Variants in GREB1L observed in about 807,000 individuals in gnomAD.
The protein encoded by GREB1L is GREB1-like protein.
GREB1L carries 17 observed loss-of-function variants against 200.8 expected under a neutral mutation model. That is an observed-to-expected ratio of 0.08 (90% CI 0.06 to 0.13). GREB1L has a LOEUF of 0.13. Among genes scored for constraint, GREB1L ranks in the 10% least tolerant of loss-of-function variants. GREB1L has a pLI of 1.00. For synonymous variants in GREB1L, 789 were observed against 893.0 expected, an observed-to-expected ratio of 0.88 and a Z score of 2.08; for missense variants, 1,657 against 2,367.7, an observed-to-expected ratio of 0.70 and a Z score of 6.23.
intron 31 of GREB1L, 54 bp downstream of exon 31, chr18:21,518,288 C>G: frequency 6.7e-7 from 1 of 1,490,714 alleles, no homozygotes; most frequent in South Asian, 1.3e-5. Flanking sequence ...ATTTCTTTCT[C>G]ATTTTAGCTG....
intron 7 of GREB1L, among the ~76,000 whole-genome samples, chr18:21,411,918 G>A (rs1326775682): frequency 4.0e-5 from 6 of 151,884 alleles, no homozygotes; most frequent in South Asian, 2.1e-4. Flanking sequence ...AGTGGTGGGC[G>A]CCTATAGTCC....
chr18:21,411,872 C>T (rs896246960), intron 7 of GREB1L, among the ~76,000 whole-genome samples: 4 of 150,750 alleles, frequency 2.7e-5, no homozygotes, highest in Non-Finnish European at 4.4e-5. Context: ...GGTGAAACCC[C>T]GTCTCTACTA....
intron 15 of GREB1L, among the ~76,000 whole-genome samples, chr18:21,469,100 T>A (rs571238714): frequency 5.3e-5 from 8 of 152,212 alleles, no homozygotes; most frequent in Non-Finnish European, 1.2e-4. Context: ...AATGGTAATA[T>A]CCTGTTTTCA....
At chr18:21,305,196 G>T (rs886976836) in intron 1 of GREB1L, among the ~76,000 whole-genome samples, 10 of 151,980 alleles carry the variant, frequency 6.6e-5, no homozygotes, top group African/African-American at 1.9e-4. Context: ...GGATGGTCTC[G>T]ATCTCTTGAC....
intron 7 of GREB1L, among the ~76,000 whole-genome samples, chr18:21,419,387 A>G (rs1024657169): frequency 6.6e-6 from 1 of 152,244 alleles, no homozygotes; most frequent in Non-Finnish European, 1.5e-5. Flanking sequence ...CAGGAGCAAT[A>G]TACAAATGTC....
Position 21,316,631 on chromosome 18 carries a change from TGCTATTGGGCTGTTGCAAAAGATAATA to T in GREB1L, c.-119-49394_-119-49368del, listed in dbSNP as rs772657996. ...TACCTGGCTGTAAAAACCACTTCCT[TGCTATTGGGCTGTTGCAAAAGATAATA>T]GATAATAGTTTCAGAAGTTGTTTTA... On this transcript the variant is annotated intron_variant, in intron 1 of 32. Transcript: ENST00000424526. Among the ~76,000 whole-genome samples the T allele has an allele frequency of 8.1e-4, 123 of 152,304 alleles. No individual in the cohort carries two copies. In the Middle Eastern group the frequency reaches 0.01, roughly 13 times the overall value.
chr18:21,431,489 A>G (rs1338022248), intron 7 of GREB1L, among the ~76,000 whole-genome samples: 1 of 152,140 alleles, frequency 6.6e-6, no homozygotes, highest in Non-Finnish European at 1.5e-5. Flanking sequence ...TGTATTTTAT[A>G]TGATTTTAGT....
intron 1 of GREB1L, among the ~76,000 whole-genome samples, chr18:21,304,076 A>G (rs1279343269): frequency 6.6e-6 from 1 of 152,038 alleles, no homozygotes; most frequent in African/African-American, 2.4e-5. Flanking sequence ...GTACTGATAA[A>G]CCTTTCCTGC....
intron 1 of GREB1L, among the ~76,000 whole-genome samples, chr18:21,346,141 C>T (rs1378924443): frequency 2.0e-5 from 3 of 152,114 alleles, no homozygotes; most frequent in Non-Finnish European, 4.4e-5. Flanking sequence ...GCAGAAACCT[C>T]GACGTCCTCC....
rs539765862 is a variant in GREB1L at position 21,299,008 on chromosome 18, T to G, written c.-120+56615T>G. 8.5e-5 allele frequency among the ~76,000 whole-genome samples: 13 copies of G among 152,268 alleles called. No individual in the cohort carries two copies. The South Asian group carries it at 2.5e-3, about 29-fold the overall frequency. On this transcript the variant is annotated intron_variant, in intron 1 of 32. Transcript: ENST00000424526. ...AGAATCTTCAAAAGGCTGGGCCTGG[T>G]GCCTTACGCCTGTAATCCCAGCACT...
intron 2 of GREB1L, among the ~76,000 whole-genome samples, chr18:21,377,467 T>C (rs1299901088): frequency 2.6e-5 from 4 of 152,204 alleles, no homozygotes; most frequent in Non-Finnish European, 5.9e-5. Context: ...TGTACTTCTA[T>C]AGTATTTATT....
In GREB1L at chr18:21,525,593, G is replaced by T. The variant is rs879378616; in HGVS notation, c.*2772G>T. ...ATACCAATCTTTTATTTGACAGATTGCAACTACACTCACTTTGATGTCCTT... is the reference window on the plus strand; with the variant it reads ...ATACCAATCTTTTATTTGACAGATTTCAACTACACTCACTTTGATGTCCTT... On this transcript the variant is annotated 3_prime_UTR_variant, in exon 33 of 33. Coordinates refer to ENST00000424526, the MANE Select transcript of GREB1L (RefSeq NM_001142966.3). 9.2e-5 allele frequency among the ~76,000 whole-genome samples: 14 copies of T among 152,120 alleles called. No homozygotes were observed. The highest frequency in any genetic ancestry group is 1.3e-4 in the Non-Finnish European group (9 of 68,022).
chr18:21,401,276 T>A lies in GREB1L; in HGVS notation c.659T>A (p.Val220Asp). 1 of 1,551,726 alleles carries A rather than the reference T, an allele frequency of 6.4e-7. No individual in the cohort carries two copies. The highest frequency in any genetic ancestry group is 8.7e-7 in the Non-Finnish European group (1 of 1,146,952). The change falls in exon 6 of 33, where the codon GTC becomes GAC. Residue 220 changes from valine (V) to aspartate (D), a missense_variant. Transcript: ENST00000424526. ...KKQKHLKYYL[V>D]RSSQGVLSKG... ...CAGAAGCACTTAAAGTACTACCTAG[T>A]CAGAAGCTCCCAGGGTGTACTGTCT...
chr18:21,382,937 A>G (rs1393901984), intron 2 of GREB1L, among the ~76,000 whole-genome samples: 5 of 152,214 alleles, frequency 3.3e-5, no homozygotes, highest in Non-Finnish European at 7.3e-5. Context: ...CAAAAGAAAT[A>G]ACAGTGTTTT....
At chr18:21,405,180 C>G (rs2030033664) in intron 7 of GREB1L, among the ~76,000 whole-genome samples, 1 of 152,142 alleles carries the variant, frequency 6.6e-6, no homozygotes, top group Non-Finnish European at 1.5e-5. Flanking sequence ...AGAGAATAGA[C>G]CACTTCTCTT....
chr18:21,367,241 A>G (rs2039710528), intron 2 of GREB1L, among the ~76,000 whole-genome samples: 1 of 152,282 alleles, frequency 6.6e-6, no homozygotes, highest in Non-Finnish European at 1.5e-5. Flanking sequence ...AAAACTCCTG[A>G]TTTATCTAAG....
At chr18:21,294,865 C>T (rs1259309298) in intron 1 of GREB1L, among the ~76,000 whole-genome samples, 1 of 152,026 alleles carries the variant, frequency 6.6e-6, no homozygotes, top group Non-Finnish European at 1.5e-5. Flanking sequence ...GAATCCAGGC[C>T]TGTTTGACTT....
chr18:21,351,390 T>C (rs2039430477), intron 1 of GREB1L, among the ~76,000 whole-genome samples: 1 of 152,204 alleles, frequency 6.6e-6, no homozygotes, highest in African/African-American at 2.4e-5. Flanking sequence ...CTGGCCAACA[T>C]AGTGAAACCC....
At chr18:21,368,514 C>T (rs1325202654) in intron 2 of GREB1L, among the ~76,000 whole-genome samples, 1 of 152,122 alleles carries the variant, frequency 6.6e-6, no homozygotes, top group Non-Finnish European at 1.5e-5. Context: ...AGTGCTTTTT[C>T]TTTCAAGCAA....
Sources: gnomAD v4.1 joint callset for allele counts (sites outside exome capture counted in the v4.1 genomes callset) on GRCh38, gnomAD v4.1.1 for gene constraint, MANE v1.5 for transcripts, NCBI Gene and HGNC (gene_info 2026-07-23, HGNC 2026-07-21) for gene names.